The following PLEKHA5 variants were observed in gnomAD, a reference collection of about 807,000 sequenced individuals.
The protein encoded by PLEKHA5 is pleckstrin homology domain-containing family A member 5.
Under a neutral mutation model 181.9 loss-of-function variants are expected in PLEKHA5, and 55 were observed. The ratio of observed to expected loss-of-function variants is 0.30; its 90% CI spans 0.24 to 0.38. PLEKHA5 has a LOEUF of 0.38. PLEKHA5 is among the 10% of genes least tolerant of loss of function. PLEKHA5 has a pLI of 1.00. For synonymous variants in PLEKHA5, 535 were observed against 529.4 expected (o/e 1.01, Z -0.15); for missense variants, 1,432 against 1,549.5 (o/e 0.92, Z 1.27).
intron 3 of PLEKHA5, among the ~76,000 whole-genome samples, chr12:19,136,244 C>G (rs189422722): frequency 6.6e-6 from 1 of 152,140 alleles, no homozygotes; most frequent in African/African-American, 2.4e-5. Flanking sequence ...TTCTATGTGC[C>G]CTAAGCTAGC....
intron 8 of PLEKHA5, among the ~76,000 whole-genome samples, chr12:19,267,439 C>T (rs997856393): frequency 2.6e-5 from 4 of 151,700 alleles, no homozygotes; most frequent in African/African-American, 9.7e-5. Context: ...AGGTCAGGAT[C>T]AACTGAGGTC....
At position 19,285,331 on chromosome 12, in the gene PLEKHA5, A is replaced by C. The variant is rs141471367; in HGVS notation, c.1779+1586A>C. ...TTCATGTTCTTGGCCAGAATATATCATCTGTTTCGACAGCAAATATGAGAT... is the reference window on the plus strand; with the variant it reads ...TTCATGTTCTTGGCCAGAATATATCCTCTGTTTCGACAGCAAATATGAGAT... On this transcript the variant is annotated intron_variant, in intron 12 of 31. Transcript: ENST00000429027. Among the ~76,000 whole-genome samples the C allele has an allele frequency of 4.0e-3, 604 of 152,350 alleles. 2 individuals are homozygous for C. Among genetic ancestry groups the C allele is most frequent in the African/African-American group, 0.014 (565 of 41,590 alleles).
At chr12:19,266,094 G>A (rs1199033562) in intron 8 of PLEKHA5, among the ~76,000 whole-genome samples, 3 of 152,134 alleles carry the variant, frequency 2.0e-5, no homozygotes, top group Non-Finnish European at 4.4e-5. Context: ...AAATGAACAT[G>A]TCAGAATGCT....
chr12:19,160,112 A>T (rs560463259), intron 3 of PLEKHA5, among the ~76,000 whole-genome samples: 1 of 152,226 alleles, frequency 6.6e-6, no homozygotes, highest in South Asian at 2.1e-4. Context: ...ACACTGTTAA[A>T]TCTATTTTTT....
At chr12:19,155,078 T>C (rs1319009596) in intron 3 of PLEKHA5, among the ~76,000 whole-genome samples, 1 of 152,188 alleles carries the variant, frequency 6.6e-6, no homozygotes, top group African/African-American at 2.4e-5. Flanking sequence ...GAGTTGTGCA[T>C]GTGGAGTAGA....
At chr12:19,161,859 G>A (rs1309865746) in intron 3 of PLEKHA5, among the ~76,000 whole-genome samples, 1 of 152,140 alleles carries the variant, frequency 6.6e-6, no homozygotes, top group Non-Finnish European at 1.5e-5. Context: ...CCAAGATTGA[G>A]TATGTGGATG....
intron 6 of PLEKHA5, among the ~76,000 whole-genome samples, chr12:19,258,686 T>C (rs1412687668): frequency 6.6e-6 from 1 of 151,664 alleles, no homozygotes; most frequent in African/African-American, 2.4e-5. Flanking sequence ...TGCCTCAGCT[T>C]CACGAGTAGC....
chr12:19,188,738 T>C (rs1035089108), intron 3 of PLEKHA5, among the ~76,000 whole-genome samples: 2 of 152,246 alleles, frequency 1.3e-5, no homozygotes, highest in African/African-American at 2.4e-5. Flanking sequence ...ATAATACATA[T>C]TATGTTGATT....
chr12:19,292,484 G>A (rs892941193), intron 15 of PLEKHA5, among the ~76,000 whole-genome samples: 1 of 152,188 alleles, frequency 6.6e-6, no homozygotes, highest in East Asian at 1.9e-4. Flanking sequence ...TGTAGTGGAG[G>A]TGATTTGCAG....
At chr12:19,323,933 A>G (rs1331634837) in intron 20 of PLEKHA5, among the ~76,000 whole-genome samples, 2 of 152,130 alleles carry the variant, frequency 1.3e-5, no homozygotes, top group Non-Finnish European at 2.9e-5. Flanking sequence ...CTTGCAGCTT[A>G]TAAACTGTTT....
rs1236363690 is a variant in PLEKHA5 at position 19,181,502 on chromosome 12, T to C, written c.227+49052T>C. On this transcript the variant is annotated intron_variant, in intron 3 of 31. Transcript: ENST00000429027. ...TTAAAAAGCCCTTTAGGGCTGGGCATGGTGGCTAACGCCTGTAATCTCAGC... is the reference window on the plus strand; with the variant it reads ...TTAAAAAGCCCTTTAGGGCTGGGCACGGTGGCTAACGCCTGTAATCTCAGC... Among the ~76,000 whole-genome samples, 4 of 152,166 alleles carry C rather than the reference T, an allele frequency of 2.6e-5. No individual in the cohort carries two copies. The East Asian group carries it at 7.7e-4, about 29-fold the overall frequency.
intron 11 of PLEKHA5, among the ~76,000 whole-genome samples, chr12:19,276,984 C>T (rs1324039862): frequency 6.6e-6 from 1 of 152,088 alleles, no homozygotes; most frequent in Non-Finnish European, 1.5e-5. Flanking sequence ...TTATTTTTCA[C>T]TTACCAGATT....
At chr12:19,349,146 T>A (rs1291696701) in intron 25 of PLEKHA5, among the ~76,000 whole-genome samples, 3 of 151,636 alleles carry the variant, frequency 2.0e-5, no homozygotes, top group Non-Finnish European at 4.4e-5. Context: ...GTGTGTGAGG[T>A]CTCACTCTGT....
At chr12:19,286,714 C>T (rs1366462668) in intron 12 of PLEKHA5, among the ~76,000 whole-genome samples, 5 of 152,108 alleles carry the variant, frequency 3.3e-5, no homozygotes, top group African/African-American at 1.2e-4. Flanking sequence ...GCCTGTAATC[C>T]TAGCACTTTG....
At chr12:19,340,108 TAGAC>T (rs1386618513) in intron 21 of PLEKHA5, among the ~76,000 whole-genome samples, 3 of 152,054 alleles carry the variant, frequency 2.0e-5, no homozygotes, top group South Asian at 2.1e-4. Context: ...GAAGGCAACA[TAGAC>T]AGAGTAAAAA....
chr12:19,237,008 T>C (rs2152422364), intron 3 of PLEKHA5: 1 of 152,310 alleles, frequency 6.6e-6, no homozygotes, highest in East Asian at 1.9e-4. Context: ...TGAATATCCT[T>C]TTAAGAATTG....
chr12:19,229,014 T>G (rs1396959159), intron 3 of PLEKHA5, among the ~76,000 whole-genome samples: 1 of 152,160 alleles, frequency 6.6e-6, no homozygotes, highest in Non-Finnish European at 1.5e-5. Flanking sequence ...ACAAAGGAAT[T>G]TATACAAATG....
intron 15 of PLEKHA5, among the ~76,000 whole-genome samples, chr12:19,298,343 T>A (rs1264212533): frequency 3.3e-5 from 5 of 151,964 alleles, no homozygotes; most frequent in Admixed American, 3.3e-4. Flanking sequence ...TAAATTGGCC[T>A]ATTTAGTGCT....
chr12:19,133,786 G>A (rs1042899012), intron 3 of PLEKHA5, among the ~76,000 whole-genome samples: 2 of 151,892 alleles, frequency 1.3e-5, no homozygotes, highest in East Asian at 3.9e-4. Context: ...TTTCTTTGGA[G>A]ATTATACTAT....
Sources: gnomAD v4.1 joint callset for allele counts (sites outside exome capture counted in the v4.1 genomes callset) on GRCh38, gnomAD v4.1.1 for gene constraint, MANE v1.5 for transcripts, NCBI Gene and HGNC (gene_info 2026-07-23, HGNC 2026-07-21) for gene names.